The following TPTE2 variants were observed in gnomAD, a reference collection of about 807,000 sequenced individuals.
TPTE2 encodes the protein phosphatidylinositol 3,4,5-trisphosphate 3-phosphatase TPTE2.
TPTE2 carries 53 observed loss-of-function variants against 78.6 expected under a neutral mutation model. The observed-to-expected ratio is 0.67, with a 90% CI of 0.54 to 0.85. The LOEUF (loss-of-function observed/expected upper bound fraction) is 0.85. Ranked by LOEUF, TPTE2 falls within the 40% of genes least tolerant of loss-of-function variation. The pLI is 0.00. For missense variants in TPTE2, 461 were observed against 623.0 expected, an observed-to-expected ratio of 0.74 and a Z score of 2.77; for synonymous variants, 175 against 206.2, an observed-to-expected ratio of 0.85 and a Z score of 1.30.
At chr13:19,528,261 C>T (rs1870639129) in intron 1 of TPTE2, among the ~76,000 whole-genome samples, 1 of 151,866 alleles carries the variant, frequency 6.6e-6, no homozygotes, top group Non-Finnish European at 1.5e-5. Context: ...GTGACAGACA[C>T]CTGTAATCCC....
chr13:19,490,335 C>G (rs910129989), intron 3 of TPTE2, among the ~76,000 whole-genome samples: 1 of 152,080 alleles, frequency 6.6e-6, no homozygotes, highest in Non-Finnish European at 1.5e-5. Flanking sequence ...TTTTCTGATA[C>G]AAATTAGCAA....
the TPTE2 span, chr13:19,560,427 G>C: frequency 1.2e-6 from 2 of 1,608,988 alleles, no homozygotes; most frequent in South Asian, 2.2e-5. Context: ...AGTCCTCAGC[G>C]AAGGCCAACT....
exon 6 of TPTE2, chr13:19,474,007 C>A (rs1411774839): frequency 1.2e-6 from 2 of 1,609,566 alleles, no homozygotes; most frequent in African/African-American, 2.7e-5. Flanking sequence ...ATAAAGTTTG[C>A]TGTCAGTGAA....
At chr13:19,508,653 A>C (rs1372052102) in intron 1 of TPTE2, among the ~76,000 whole-genome samples, 1 of 152,180 alleles carries the variant, frequency 6.6e-6, no homozygotes, top group Non-Finnish European at 1.5e-5. Flanking sequence ...AATAAAGAGA[A>C]CATACTAAAG....
chr13:19,451,767 T>C (rs1878198386), intron 10 of TPTE2, among the ~76,000 whole-genome samples: 1 of 151,882 alleles, frequency 6.6e-6, no homozygotes, highest in South Asian at 2.1e-4. Context: ...GGCTCATTTG[T>C]TCTCTTTATT....
intron 1 of TPTE2, 177 bp from the exon 5 acceptor site, chr13:19,493,678 G>C: frequency 1.5e-6 from 1 of 680,486 alleles, no homozygotes; most frequent in Non-Finnish European, 2.6e-6. Flanking sequence ...GGATGTATAT[G>C]ACGACAACCA....
intron 10 of TPTE2, among the ~76,000 whole-genome samples, chr13:19,464,089 G>A (rs1179605759): frequency 6.6e-6 from 1 of 152,100 alleles, no homozygotes; most frequent in Admixed American, 6.6e-5. Context: ...GTCAGTTGAG[G>A]GTAGCCAAGC....
At chr13:19,516,504 T>C (rs911116407) in intron 1 of TPTE2, among the ~76,000 whole-genome samples, 1 of 152,224 alleles carries the variant, frequency 6.6e-6, no homozygotes, top group African/African-American at 2.4e-5. Flanking sequence ...CAAAACACTT[T>C]AGTTGATTCA....
intron 17 of TPTE2, among the ~76,000 whole-genome samples, chr13:19,427,446 C>A (rs1262602168): frequency 6.6e-6 from 1 of 152,042 alleles, no homozygotes; most frequent in African/African-American, 2.4e-5. Context: ...AGACTTTAAT[C>A]AATTAAATAT....
At chr13:19,534,565 G>T (rs901901212) in intron 1 of TPTE2, among the ~76,000 whole-genome samples, 4 of 152,160 alleles carry the variant, frequency 2.6e-5, no homozygotes, top group Non-Finnish European at 4.4e-5. Flanking sequence ...GCAACTGTTT[G>T]TTCCTCCAAG....
chr13:19,437,684 T>C (rs1054600813), intron 14 of TPTE2, among the ~76,000 whole-genome samples: 3 of 152,192 alleles, frequency 2.0e-5, no homozygotes, highest in African/African-American at 7.2e-5. Context: ...GAATGTTTTT[T>C]TCTGTGTAAC....
chr13:19,552,273 C>A, the TPTE2 span, among the ~76,000 whole-genome samples: 1 of 152,150 alleles, frequency 6.6e-6, no homozygotes, highest in Non-Finnish European at 1.5e-5. Context: ...AAGTAATAAC[C>A]TGTTGAGCGA....
At chr13:19,471,885 T>C (rs1408348319) in intron 6 of TPTE2, among the ~76,000 whole-genome samples, 1 of 152,166 alleles carries the variant, frequency 6.6e-6, no homozygotes, top group Admixed American at 6.5e-5. Context: ...CCCTCAGCTT[T>C]TGTGTGGAAA....
At chr13:19,449,684 ATTTT>A (rs970839419) in intron 13 of TPTE2, among the ~76,000 whole-genome samples, 2 of 152,140 alleles carry the variant, frequency 1.3e-5, no homozygotes, top group African/African-American at 4.8e-5. Flanking sequence ...AAATATATTG[ATTTT>A]TTTGTTAATT....
chr13:19,550,506 C>T, the TPTE2 span, among the ~76,000 whole-genome samples: 1 of 152,106 alleles, frequency 6.6e-6, no homozygotes, highest in Admixed American at 6.5e-5. Flanking sequence ...CAACGGAAAA[C>T]AGTTACAGAA....
At chr13:19,461,280 T>C (rs927291892) in intron 10 of TPTE2, among the ~76,000 whole-genome samples, 1 of 152,116 alleles carries the variant, frequency 6.6e-6, no homozygotes, top group Non-Finnish European at 1.5e-5. Context: ...TTTCCTTCAT[T>C]CTTTAAAAAT....
chr13:19,544,060 C>CAAA, the TPTE2 span, among the ~76,000 whole-genome samples: 1,494 of 31,932 alleles, frequency 0.047, 259 homozygotes, highest in African/African-American at 0.11. Context: ...GAACCTGTCT[C>CAAA]AAAAAAAAAA....
intron 19 of TPTE2, among the ~76,000 whole-genome samples, chr13:19,423,949 T>C (rs1875801781): frequency 6.6e-6 from 1 of 152,194 alleles, no homozygotes; most frequent in African/African-American, 2.4e-5. Context: ...AGCTTATTGT[T>C]TGTATGCATC....
In TPTE2 at chr13:19,465,712, G is replaced by A. The variant is rs148141382; in HGVS notation, c.513-148C>T. 4,327 of 683,730 alleles carry A rather than the reference G, an allele frequency of 6.3e-3. 156 individuals are homozygous for A. In the African/African-American group the frequency reaches 0.07, roughly 11 times the overall value. The allele number at this position is 683,730 out of a possible 1,614,324, so 42.4% of individuals were successfully genotyped here. A position where few individuals can be genotyped will look rare whatever the true frequency, so the allele number is the denominator to read the frequency against. On this transcript the variant is annotated intron_variant, in intron 7 of 19. Coordinates refer to ENST00000400230, the Ensembl canonical transcript of TPTE2. ...TGGGGGATATTTGGCAATGTCTGGA[G>A]GCATTTAGGTTTTCACAACTTGCGT...
Sources: allele counts gnomAD v4.1 joint callset (sites outside exome capture counted in the v4.1 genomes callset), GRCh38; gene constraint gnomAD v4.1.1; transcripts MANE v1.5; gene names NCBI Gene and HGNC (gene_info 2026-07-23, HGNC 2026-07-21).